ZNF789: variants seen among roughly 807,000 people sequenced by gnomAD.
ZNF789 encodes zinc finger protein 789.
ZNF789 carries 11 observed loss-of-function variants against 15.6 expected under a neutral mutation model. The ratio of observed to expected loss-of-function variants is 0.70; its 90% confidence interval spans 0.44 to 1.16. The LOEUF is 1.16. Among genes scored for constraint, ZNF789 ranks in the 50% most tolerant of loss-of-function variants. The pLI is 0.00. For missense variants in ZNF789, 461 were observed against 512.6 expected (o/e 0.90, Z 0.97); for synonymous variants, 159 against 176.0 (o/e 0.90, Z 0.76).
intron 3 of ZNF789, chr7:99,483,520 A>G (rs1799755028): frequency 1.9e-6 from 1 of 531,908 alleles, no homozygotes; most frequent in Admixed American, 3.0e-5. Flanking sequence ...AGTTCCAGCT[A>G]CTTGGGAGGC....
chr7:99,475,357 T>C (rs910592194), intron 1 of ZNF789, among the ~76,000 whole-genome samples: 6 of 151,726 alleles, frequency 4.0e-5, no homozygotes, highest in Non-Finnish European at 8.8e-5. Flanking sequence ...ATCACACCAT[T>C]GTACTCCAGC....
rs767794051 is a variant in ZNF789 at position 99,487,534 on chromosome 7, C to G, written c.*46C>G. On this transcript the variant is annotated 3_prime_UTR_variant, in exon 5 of 5. Coordinates refer to ENST00000331410, the MANE Select transcript of ZNF789 (RefSeq NM_213603.3). ...TTGGAGAACTAGAACTTATAAACCT[C>G]TACTTCAAGTGTGTATCACGTAATT... is the stretch of plus-strand genomic sequence containing the variant. 1.9e-6 allele frequency: 3 copies of G among 1,557,754 alleles called. No individual in the cohort carries two copies. The highest frequency in any genetic ancestry group is 2.6e-6 in the Non-Finnish European group (3 of 1,152,124).
At chr7:99,484,506 G>A (rs532057069) in intron 4 of ZNF789, among the ~76,000 whole-genome samples, 1 of 152,218 alleles carries the variant, frequency 6.6e-6, no homozygotes, top group Non-Finnish European at 1.5e-5. Context: ...TGTAATCCCA[G>A]CTACCTGGGA....
chr7:99,483,446 A>T (rs550737908), intron 3 of ZNF789, among the ~76,000 whole-genome samples: 3 of 152,090 alleles, frequency 2.0e-5, no homozygotes, highest in Non-Finnish European at 4.4e-5. Flanking sequence ...CCTGGCCAAC[A>T]TGGTGAAACC....
chr7:99,482,549 T>C (rs1450611464), intron 3 of ZNF789, among the ~76,000 whole-genome samples: 1 of 152,100 alleles, frequency 6.6e-6, no homozygotes, highest in Non-Finnish European at 1.5e-5. Context: ...CACTACATAG[T>C]TTTTTAAAAC....
At chr7:99,485,026 G>A (rs576474117) in intron 4 of ZNF789, among the ~76,000 whole-genome samples, 52 of 152,184 alleles carry the variant, frequency 3.4e-4, no homozygotes, top group African/African-American at 1.1e-3. Context: ...CTGCTCTGAC[G>A]CAGATGCTCT....
intron 3 of ZNF789, chr7:99,480,096 C>T (rs1454274891): frequency 1.6e-5 from 6 of 363,676 alleles, no homozygotes; most frequent in South Asian, 2.2e-4. Flanking sequence ...GATTCCGAGG[C>T]GGGTGGATCA....
At chr7:99,485,716 C>T (rs77717045) in intron 4 of ZNF789, among the ~76,000 whole-genome samples, 9,181 of 152,144 alleles carry the variant, frequency 0.06, 612 homozygotes, top group East Asian at 0.3. Context: ...CCTGTAATCC[C>T]AGCTACTCAG....
intron 4 of ZNF789, 73 bp downstream of exon 4, chr7:99,484,216 G>A (rs1799795231): frequency 8.2e-7 from 1 of 1,217,890 alleles, no homozygotes; most frequent in East Asian, 2.3e-5. Flanking sequence ...AGCCCCTTCT[G>A]TGTGCCAGAC....
chr7:99,476,542 C>T (rs1799343802), intron 2 of ZNF789, 62 bp downstream of exon 2: 1 of 1,596,246 alleles, frequency 6.3e-7, no homozygotes, highest in Non-Finnish European at 8.5e-7. Flanking sequence ...GCTCCTTCCT[C>T]AGACTGAGCC....
rs1448064498 is a variant in ZNF789, at chr7:99,484,143, G to C, written c.265G>C (p.Gly89Arg). The change falls in exon 4 of 5, where the codon GGT becomes CGT. Residue 89 changes from glycine (G) to arginine (R), a missense_variant and splice_region_variant. By Grantham distance (125) the Gly-to-Arg change is moderately radical (BLOSUM62 -2). Transcript: ENST00000331410. ...GAAGGCTTCCGGTAGTGCTTGCCCAGGTGGGTGAGGAAGAGACCCAGGCGA... is the reference window on the plus strand; with the variant it reads ...GAAGGCTTCCGGTAGTGCTTGCCCACGTGGGTGAGGAAGAGACCCAGGCGA... ...NRKASGSACP[G>R]SEARHKMKKL... 1.9e-6 allele frequency: 3 copies of C among 1,612,982 alleles called. No individual in the cohort carries two copies. The highest frequency in any genetic ancestry group is 2.5e-6 in the Non-Finnish European group (3 of 1,179,138).
At chr7:99,475,610 C>T (rs894192987) in intron 1 of ZNF789, among the ~76,000 whole-genome samples, 2 of 152,022 alleles carry the variant, frequency 1.3e-5, no homozygotes, top group Non-Finnish European at 2.9e-5. Flanking sequence ...TAACTAGACT[C>T]GGACATCCTG....
rs1799785033 is a variant in ZNF789 at position 99,484,105 on chromosome 7, G to A, written c.227G>A (p.Arg76Lys). The change falls in exon 4 of 5, where the codon AGA (arginine) becomes AAA (lysine). Residue 76 changes from arginine (R) to lysine (K), a missense_variant. Physicochemically the swap from Arg to Lys is conservative, Grantham distance 26. Coordinates refer to ENST00000331410, the MANE Select transcript of ZNF789 (RefSeq NM_213603.3). Reference protein sequence around the residue: ...WDEQWILDLPRTGNRKASGSA... With the variant: ...WDEQWILDLPKTGNRKASGSA... ...GAGCAGTGGATCCTGGATCTACCGA[G>A]AACTGGGAATAGGAAGGCTTCCGGT... 3 of 1,613,982 alleles carry A rather than the reference G, an allele frequency of 1.9e-6. No individual in the cohort carries two copies. The highest frequency in any genetic ancestry group is 2.5e-6 in the Non-Finnish European group (3 of 1,180,028).
intron 3 of ZNF789, 50 bp downstream of exon 3, chr7:99,479,837 G>A: frequency 1.3e-6 from 2 of 1,576,732 alleles, no homozygotes; most frequent in Non-Finnish European, 1.7e-6. Flanking sequence ...GAGTGTCTGT[G>A]CAAGCCCTTA....
chr7:99,485,251 A>G, intron 4 of ZNF789: 1 of 1,532,326 alleles, frequency 6.5e-7, no homozygotes, highest in East Asian at 2.4e-5. Flanking sequence ...CCATGGCACT[A>G]CTGACGTTTT....
chr7:99,487,422 ATCTT>A lies in ZNF789; in HGVS notation c.1215_1218del (p.Phe406SerfsTer50). 2 of 1,614,202 alleles carry A rather than the reference ATCTT, an allele frequency of 1.2e-6. No individual in the cohort carries two copies. Among genetic ancestry groups the A allele is most frequent in the Non-Finnish European group, 8.5e-7 (1 of 1,180,034 alleles). ...CCTACCAATGTGTCATATGTGGAAAATCTTTCAAGTGGCACACAAGCTTTATTAA... is the reference window on the plus strand; with the variant it reads ...CCTACCAATGTGTCATATGTGGAAAATCAAGTGGCACACAAGCTTTATTAA... On this transcript the variant is annotated frameshift_variant, in exon 5 of 5. Transcript: ENST00000331410. LOFTEE classifies it low-confidence loss of function (END_TRUNC).
intron 2 of ZNF789, chr7:99,479,402 C>A (rs1324572497): frequency 3.0e-6 from 1 of 336,300 alleles, no homozygotes. Flanking sequence ...GGAACAGAGA[C>A]CAGAGGGCCT....
At chr7:99,480,025 C>A in intron 3 of ZNF789, 1 of 488,430 alleles carries the variant, frequency 2.0e-6, no homozygotes, top group Non-Finnish European at 3.5e-6. Flanking sequence ...GTATACCCAA[C>A]TTCAGAAATA....
Position 99,486,597 on chromosome 7 carries a change from A to G in ZNF789, c.387A>G (p.Leu129=). Residue 129 remains leucine (L), a synonymous_variant, in exon 5 of 5, where the codon TTA becomes TTG. Transcript: ENST00000331410. Reference sequence around the variant, plus strand: ...CAGCTGAGAAACTTTCAGAAAAGTTACATAAGTGTAAAGAATTTGTGGACA... The same window carrying G: ...CAGCTGAGAAACTTTCAGAAAAGTTGCATAAGTGTAAAGAATTTGTGGACA... ...QESAEKLSEK[L]HKCKEFVDSC... is the part of the protein sequence containing the mutation. 1 of 1,614,244 alleles carries G rather than the reference A, an allele frequency of 6.2e-7. No individual in the cohort carries two copies. Among genetic ancestry groups the G allele is most frequent in the South Asian group, 1.1e-5 (1 of 91,090 alleles).
Sources: gnomAD v4.1 joint callset for allele counts (sites outside exome capture counted in the v4.1 genomes callset) on GRCh38, gnomAD v4.1.1 for gene constraint, MANE v1.5 for transcripts, NCBI Gene and HGNC (gene_info 2026-07-23, HGNC 2026-07-21) for gene names.